Variants in CACNA1D observed in about 807,000 individuals in gnomAD.
CACNA1D encodes voltage-dependent L-type calcium channel subunit alpha-1D.
A neutral mutation model predicts 257.1 loss-of-function variants in CACNA1D; 55 were observed. The ratio of observed to expected loss-of-function variants is 0.21; its 90% confidence interval spans 0.17 to 0.27. The LOEUF is 0.27. Ranked by LOEUF, CACNA1D falls within the 10% of genes least tolerant of loss-of-function variation. The pLI is 1.00. For synonymous variants in CACNA1D, 980 were observed against 1,014.9 expected (o/e 0.97, Z 0.65); for missense variants, 1,876 against 2,784.0 (o/e 0.67, Z 7.34).
chr3:53,593,077 C>A (rs750232101), intron 3 of CACNA1D, among the ~76,000 whole-genome samples: 1 of 152,158 alleles, frequency 6.6e-6, no homozygotes, highest in Non-Finnish European at 1.5e-5. Context: ...CATATTCACG[C>A]CTTTTTCACG....
chr3:53,799,344 A>G (rs772209418), intron 40 of CACNA1D, among the ~76,000 whole-genome samples: 1 of 152,242 alleles, frequency 6.6e-6, no homozygotes, highest in Non-Finnish European at 1.5e-5. Context: ...ATGCATAAGC[A>G]TCTTGGAATG....
intron 20 of CACNA1D, among the ~76,000 whole-genome samples, chr3:53,736,759 C>T (rs1482059825): frequency 1.3e-5 from 2 of 151,984 alleles, no homozygotes; most frequent in African/African-American, 2.4e-5. Flanking sequence ...CACGTATTGG[C>T]ACATGCCTGT....
Position 53,723,726 on chromosome 3 carries a change from G to A in CACNA1D, c.1893-66G>A. The A allele has an allele frequency of 6.3e-7, 1 of 1,585,272 alleles. No individual in the cohort carries two copies. Among genetic ancestry groups the A allele is most frequent in the Non-Finnish European group, 8.7e-7 (1 of 1,153,916 alleles). ...GAGGCGGCAACCAGTCACATCCCCG[G>A]GCAGGTGATGTTCTGCTCTGTCCTG... On this transcript the variant is annotated intron_variant, in intron 13 of 47. Transcript: ENST00000350061. This position sits in a 1 kb window ranked among gnomAD's most constrained non-coding sequence, Gnocchi z 5.6.
In CACNA1D at chr3:53,513,494, C is replaced by T. The variant is rs543637891; in HGVS notation, c.483+11774C>T. ...CAAAAATACAAAAAAATTAGCTGGG[C>T]GTGGTGGCACACGCCTGTGATTGCA... On this transcript the variant is annotated intron_variant, in intron 3 of 47. Coordinates refer to ENST00000350061, the MANE Select transcript of CACNA1D (RefSeq NM_001128840.3). Among the ~76,000 whole-genome samples, 295 of 152,176 alleles carry T rather than the reference C, an allele frequency of 1.9e-3. 2 individuals are homozygous for T. The highest frequency in any genetic ancestry group is 6.8e-3 in the African/African-American group (282 of 41,504).
rs1462213888 is a variant in CACNA1D at position 53,782,260 on chromosome 3, G to GTATATA, written c.4792+594_4792+595insATATAT. On this transcript the variant is annotated intron_variant, in intron 39 of 47. Coordinates refer to ENST00000350061, the MANE Select transcript of CACNA1D (RefSeq NM_001128840.3). ...ATACAGTGTGTGTGTGTGTGTGTGT[G>GTATATA]TGTGTATATATATATATATATATAT... is the stretch of plus-strand genomic sequence containing the variant. 8.9e-4 allele frequency: 41 copies of GTATATA among 46,262 alleles called. No individual in the cohort carries two copies. The East Asian group carries it at 0.01, about 12-fold the overall frequency. 2.9% of individuals were successfully genotyped at this position (46,262 alleles called of 1,614,324 possible).
chr3:53,719,882 C>T (rs1189813636), intron 11 of CACNA1D, 101 bp downstream of exon 11: 6 of 1,070,234 alleles, frequency 5.6e-6, no homozygotes, highest in Non-Finnish European at 8.8e-6. Flanking sequence ...GAGTTTTCCT[C>T]TGTGGATTAT....
chr3:53,733,968 GTA>G (rs751523975), intron 19 of CACNA1D, among the ~76,000 whole-genome samples: 2,263 of 126,034 alleles, frequency 0.018, 77 homozygotes, highest in African/African-American at 0.063. Context: ...ATGTATGTAT[GTA>G]TATGTATATA....
intron 38 of CACNA1D, 91 bp downstream of exon 38, chr3:53,780,219 C>T: frequency 9.7e-7 from 1 of 1,035,906 alleles, no homozygotes; most frequent in Non-Finnish European, 1.5e-6. Flanking sequence ...CTTTTCTTGG[C>T]CAAGGGGAGG....
In CACNA1D at chr3:53,495,400, G is replaced by C. The variant is rs921642607; in HGVS notation, c.67+167G>C. On this transcript the variant is annotated intron_variant, in intron 1 of 47. Transcript: ENST00000350061. This position sits in a 1 kb window ranked among gnomAD's most constrained non-coding sequence, Gnocchi z 5.1. The stretch of plus-strand genomic sequence containing the variant: ...GGGACATGCGTGACAGCCACTCCGC[G>C]CTCCCCTCCAGGCCCTGAATGTCAG... Among the ~76,000 whole-genome samples the C allele has an allele frequency of 6.6e-6, 1 of 152,178 alleles. No homozygotes were observed. Among genetic ancestry groups the C allele is most frequent in the African/African-American group, 2.4e-5 (1 of 41,450 alleles).
intron 8 of CACNA1D, among the ~76,000 whole-genome samples, chr3:53,696,081 A>G (rs1243269153): frequency 1.3e-5 from 2 of 152,142 alleles, no homozygotes; most frequent in Non-Finnish European, 2.9e-5. Context: ...CTCCTGCCTC[A>G]GCCTCCTGAG....
intron 9 of CACNA1D, among the ~76,000 whole-genome samples, chr3:53,711,661 G>A (rs2094757241): frequency 1.3e-5 from 2 of 152,356 alleles, no homozygotes; most frequent in South Asian, 4.1e-4. Context: ...TTTCTTTGAA[G>A]TGGCCTCTGG....
intron 3 of CACNA1D, among the ~76,000 whole-genome samples, chr3:53,564,328 T>C (rs2092795161): frequency 6.6e-6 from 1 of 152,150 alleles, no homozygotes; most frequent in Non-Finnish European, 1.5e-5. Flanking sequence ...ACCTGGCTAA[T>C]TTTTGTATTT....
chr3:53,716,299 C>G (rs1325593102), intron 9 of CACNA1D, among the ~76,000 whole-genome samples: 2 of 152,202 alleles, frequency 1.3e-5, no homozygotes, highest in Non-Finnish European at 2.9e-5. Context: ...CCTGTGGGTT[C>G]CCCACATCAT....
intron 40 of CACNA1D, among the ~76,000 whole-genome samples, chr3:53,796,654 T>C (rs1178769358): frequency 6.6e-6 from 1 of 152,260 alleles, no homozygotes; most frequent in African/African-American, 2.4e-5. Context: ...TTAGTTTTTT[T>C]TGGTAACTTA....
At chr3:53,514,524 G>C (rs2091258607) in intron 3 of CACNA1D, among the ~76,000 whole-genome samples, 1 of 152,114 alleles carries the variant, frequency 6.6e-6, no homozygotes, top group African/African-American at 2.4e-5. Context: ...CTCTGTGACT[G>C]GGTCAAGCCC....
rs924052332 is a variant in CACNA1D at position 53,751,451 on chromosome 3, A to G, written c.3517-298A>G. Among the ~76,000 whole-genome samples, 2 of 152,198 alleles carry G rather than the reference A, an allele frequency of 1.3e-5. No individual in the cohort carries two copies. Among genetic ancestry groups the G allele is most frequent in the Non-Finnish European group, 2.9e-5 (2 of 68,026 alleles). On this transcript the variant is annotated intron_variant, in intron 27 of 47. Coordinates refer to ENST00000350061, the MANE Select transcript of CACNA1D (RefSeq NM_001128840.3). This position sits in a 1 kb window ranked among gnomAD's most constrained non-coding sequence, Gnocchi z 4.3. ...GTGTATACACTGCAGGGCCTCAGGA[A>G]AGACAGCTAAAAGCTCTGAGCCTCA...
chr3:53,528,968 C>T (rs375737571), intron 3 of CACNA1D, among the ~76,000 whole-genome samples: 2 of 152,154 alleles, frequency 1.3e-5, no homozygotes, highest in East Asian at 1.9e-4. Context: ...TTGTTTCTTC[C>T]ATTCTAATAC....
intron 9 of CACNA1D, among the ~76,000 whole-genome samples, chr3:53,708,845 A>G: frequency 6.6e-6 from 1 of 152,196 alleles, no homozygotes; most frequent in East Asian, 1.9e-4. Context: ...CACTGCACAT[A>G]ATACATGACA....
At chr3:53,508,060 G>C (rs740759) in intron 3 of CACNA1D, among the ~76,000 whole-genome samples, 5,983 of 152,270 alleles carry the variant, frequency 0.039, 299 homozygotes, top group Admixed American at 0.11. Flanking sequence ...CTGACCTCTA[G>C]TAGGTCAGCC....
Sources: allele counts gnomAD v4.1 joint callset (sites outside exome capture counted in the v4.1 genomes callset), GRCh38; gene constraint gnomAD v4.1.1; non-coding constraint Gnocchi (gnomAD v3.1); transcripts MANE v1.5; gene names NCBI Gene and HGNC (gene_info 2026-07-23, HGNC 2026-07-21).